SGMS1: variants seen among roughly 807,000 people sequenced by gnomAD.
SGMS1 encodes the protein phosphatidylcholine:ceramide cholinephosphotransferase 1.
A neutral mutation model predicts 46.2 loss-of-function variants in SGMS1; 13 were observed. The observed-to-expected ratio is 0.28, with a 90% CI of 0.18 to 0.45. The LOEUF is 0.45. Among genes scored for constraint, SGMS1 ranks in the 20% least tolerant of loss-of-function variants. The pLI is 1.00. For missense variants in SGMS1, 324 were observed against 519.9 expected (o/e 0.62, Z 3.66); for synonymous variants, 203 against 187.8 (o/e 1.08, Z -0.66).
At position 50,367,867 on chromosome 10, in the gene SGMS1, A is replaced by G. The variant is rs1848372718; in HGVS notation, c.-231-23522T>C. Among the ~76,000 whole-genome samples the G allele has an allele frequency of 2.6e-5, 4 of 152,190 alleles. No individual in the cohort carries two copies. In the South Asian group the frequency reaches 8.3e-4, roughly 32 times the overall value. Reference sequence around the variant, plus strand: ...CCTAGAGGATAATCCTTATCCATGAAGTAGGTCACCACTGGATCACAGGAT... The same window carrying G: ...CCTAGAGGATAATCCTTATCCATGAGGTAGGTCACCACTGGATCACAGGAT... On this transcript the variant is annotated intron_variant, in intron 6 of 10. Transcript: ENST00000361781.
chr10:50,449,236 G>C (rs1392914679), intron 5 of SGMS1, among the ~76,000 whole-genome samples: 4 of 152,158 alleles, frequency 2.6e-5, no homozygotes, highest in African/African-American at 7.2e-5. Context: ...CTACCTACCT[G>C]CCTATGTATT....
chr10:50,492,750 C>T (rs1414504922), intron 3 of SGMS1, among the ~76,000 whole-genome samples: 1 of 152,112 alleles, frequency 6.6e-6, no homozygotes, highest in African/African-American at 2.4e-5. Flanking sequence ...TGATTCAATG[C>T]TTTCCTATTA....
At chr10:50,587,503 C>G (rs376311556) in intron 2 of SGMS1, among the ~76,000 whole-genome samples, 1 of 152,026 alleles carries the variant, frequency 6.6e-6, no homozygotes. Flanking sequence ...CATGGTGGCA[C>G]GCACCTGTAA....
intron 2 of SGMS1, among the ~76,000 whole-genome samples, chr10:50,576,731 C>T (rs1460398508): frequency 3.9e-5 from 6 of 152,148 alleles, no homozygotes; most frequent in African/African-American, 7.2e-5. Context: ...CCCTTATTTC[C>T]GGAGAGCACT....
At chr10:50,373,691 C>T (rs1848478377) in intron 6 of SGMS1, among the ~76,000 whole-genome samples, 1 of 152,132 alleles carries the variant, frequency 6.6e-6, no homozygotes, top group South Asian at 2.1e-4. Context: ...GGAAAAATGA[C>T]TAAGAGCGGC....
At chr10:50,622,074 G>C (rs1838856859) in intron 1 of SGMS1, among the ~76,000 whole-genome samples, 1 of 152,230 alleles carries the variant, frequency 6.6e-6, no homozygotes, top group African/African-American at 2.4e-5. Context: ...GCCTCCGACA[G>C]CAGGCACAGG....
At chr10:50,513,903 A>C (rs1162719162) in intron 3 of SGMS1, among the ~76,000 whole-genome samples, 1 of 152,178 alleles carries the variant, frequency 6.6e-6, no homozygotes, top group African/African-American at 2.4e-5. Flanking sequence ...CCCCGAAGAA[A>C]ACGTCACACT....
chr10:50,419,478 GA>G (rs1290666300), intron 6 of SGMS1, among the ~76,000 whole-genome samples: 1 of 119,874 alleles, frequency 8.3e-6, no homozygotes, highest in Non-Finnish European at 1.7e-5. Flanking sequence ...CTATACAATA[GA>G]AAGTTTATTG....
intron 3 of SGMS1, among the ~76,000 whole-genome samples, chr10:50,467,783 G>C (rs1056040892): frequency 3.3e-5 from 5 of 152,200 alleles, no homozygotes; most frequent in African/African-American, 1.2e-4. Context: ...TTTAAGGAAA[G>C]GGGAGCAAGT....
chr10:50,595,276 A>G (rs1838579788), intron 1 of SGMS1, among the ~76,000 whole-genome samples: 1 of 152,218 alleles, frequency 6.6e-6, no homozygotes, highest in African/African-American at 2.4e-5. Flanking sequence ...CCCAGGTTCA[A>G]GCAATTCTCC....
intron 2 of SGMS1, among the ~76,000 whole-genome samples, chr10:50,574,504 A>C (rs572173488): frequency 6.6e-6 from 1 of 152,298 alleles, no homozygotes; most frequent in East Asian, 1.9e-4. Context: ...AAGTGCTAGT[A>C]AGGTCAGGGA....
rs1480956929 is a variant in SGMS1 at position 50,344,027 on chromosome 10, G to A, written c.88C>T (p.His30Tyr). 1.2e-6 allele frequency: 2 copies of A among 1,614,004 alleles called. No individual in the cohort carries two copies. Among genetic ancestry groups the A allele is most frequent in the East Asian group, 2.2e-5 (1 of 44,898 alleles). The stretch of plus-strand genomic sequence containing the variant: ...TTGATCAAGTCCTGGCCTGTGAAAT[G>A]CTCCAGAGGCTCACAGTATTCTGGC... ...AMPEYCEPLE[H>Y]FTGQDLINLT... is the part of the protein sequence containing the mutation. The change falls in exon 7 of 11, where the codon CAT (histidine) becomes TAT (tyrosine). Residue 30 changes from histidine (H) to tyrosine (Y), a missense_variant. By Grantham distance (83) the His-to-Tyr change is moderately conservative. Coordinates refer to ENST00000361781, the MANE Select transcript of SGMS1 (RefSeq NM_147156.4).
At chr10:50,419,479 A>T (rs193145756) in intron 6 of SGMS1, among the ~76,000 whole-genome samples, 131 of 113,638 alleles carry the variant, frequency 1.2e-3, no homozygotes, top group African/African-American at 4.2e-3. Flanking sequence ...TATACAATAG[A>T]AAGTTTATTG....
At chr10:50,415,807 G>A (rs1203709313) in intron 6 of SGMS1, among the ~76,000 whole-genome samples, 2 of 152,112 alleles carry the variant, frequency 1.3e-5, no homozygotes, top group South Asian at 2.1e-4. Flanking sequence ...CAGGTTCAAC[G>A]CTAATCTAGG....
chr10:50,467,482 T>C (rs1015687371), intron 3 of SGMS1, among the ~76,000 whole-genome samples: 8 of 152,178 alleles, frequency 5.3e-5, no homozygotes, highest in African/African-American at 1.4e-4. Context: ...TTTTATTTCA[T>C]GAAAGACTTT....
chr10:50,481,927 A>C (rs962426303), intron 3 of SGMS1, among the ~76,000 whole-genome samples: 2 of 152,240 alleles, frequency 1.3e-5, no homozygotes, highest in Admixed American at 1.3e-4. Flanking sequence ...ACAATGTCAG[A>C]GCTTGAAGAC....
chr10:50,342,545 TC>T (rs1847836178), intron 7 of SGMS1: 1 of 152,348 alleles, frequency 6.6e-6, no homozygotes, highest in Admixed American at 6.5e-5. Flanking sequence ...ATCATTTCTG[TC>T]AAAGAACATT....
At chr10:50,538,210 CA>C (rs1165539571) in intron 2 of SGMS1, among the ~76,000 whole-genome samples, 5 of 151,888 alleles carry the variant, frequency 3.3e-5, no homozygotes, top group Non-Finnish European at 7.4e-5. Flanking sequence ...GTAATCCCAG[CA>C]CTTTGGGAGG....
chr10:50,442,591 A>G (rs1849560486), intron 5 of SGMS1, among the ~76,000 whole-genome samples: 1 of 152,146 alleles, frequency 6.6e-6, no homozygotes, highest in Non-Finnish European at 1.5e-5. Context: ...TCTATCACTG[A>G]TGGGCATTTA....
Sources: allele counts gnomAD v4.1 joint callset (sites outside exome capture counted in the v4.1 genomes callset), GRCh38; gene constraint gnomAD v4.1.1; transcripts MANE v1.5; gene names NCBI Gene and HGNC (gene_info 2026-07-23, HGNC 2026-07-21).